ZNF385B: variants seen among roughly 807,000 people sequenced by gnomAD.
ZNF385B encodes the protein zinc finger protein 385B.
Under a neutral mutation model 39.2 loss-of-function variants are expected in ZNF385B, and 23 were observed. The observed-to-expected ratio is 0.59, with a 90% CI of 0.42 to 0.83. ZNF385B has a LOEUF of 0.83. ZNF385B is among the 40% of genes least tolerant of loss of function. The probability of loss-of-function intolerance (pLI) is 0.00; values close to 1 mark genes in which losing one functional copy is unlikely to be tolerated. For missense variants in ZNF385B, 552 were observed against 598.9 expected (o/e 0.92, Z 0.82); for synonymous variants, 205 against 222.6 (o/e 0.92, Z 0.70).
At chr2:179,760,223 C>CACGT (rs1553525686) in intron 3 of ZNF385B, among the ~76,000 whole-genome samples, 1 of 144,476 alleles carries the variant, frequency 6.9e-6, no homozygotes, top group Non-Finnish European at 1.5e-5. Context: ...TTCCTGTGTG[C>CACGT]GTGTGTGTGT....
At chr2:179,636,948 G>C (rs1241094009) in intron 3 of ZNF385B, among the ~76,000 whole-genome samples, 1 of 152,036 alleles carries the variant, frequency 6.6e-6, no homozygotes, top group Non-Finnish European at 1.5e-5. Context: ...AAAGCTATTT[G>C]TGTATTAAAA....
chr2:179,837,590 A>AC (rs1338099892), intron 1 of ZNF385B, among the ~76,000 whole-genome samples: 3 of 152,250 alleles, frequency 2.0e-5, no homozygotes, highest in African/African-American at 7.2e-5. Context: ...AAGCCTGAAG[A>AC]GACAGCTGAC....
chr2:179,490,813 T>C (rs1229168774), intron 5 of ZNF385B, among the ~76,000 whole-genome samples: 1 of 152,112 alleles, frequency 6.6e-6, no homozygotes, highest in Non-Finnish European at 1.5e-5. Context: ...ATGTTACTAG[T>C]TTGGGGTTGA....
intron 3 of ZNF385B, among the ~76,000 whole-genome samples, chr2:179,584,531 G>T (rs1311074840): frequency 6.6e-6 from 1 of 152,176 alleles, no homozygotes; most frequent in African/African-American, 2.4e-5. Flanking sequence ...TGTGTATCAG[G>T]AAGGCCTCTG....
chr2:179,514,833 C>T (rs1385904383), intron 5 of ZNF385B, among the ~76,000 whole-genome samples: 1 of 148,572 alleles, frequency 6.7e-6, no homozygotes, highest in Non-Finnish European at 1.5e-5. Context: ...GGCTGGAGTG[C>T]AATGGTACAA....
chr2:179,743,104 T>C (rs1358162068), intron 3 of ZNF385B, among the ~76,000 whole-genome samples: 2 of 152,050 alleles, frequency 1.3e-5, no homozygotes, highest in South Asian at 2.1e-4. Context: ...TTTAAAAAGA[T>C]TTTCATTTAT....
At chr2:179,540,673 C>G (rs1327170549) in intron 4 of ZNF385B, among the ~76,000 whole-genome samples, 1 of 152,108 alleles carries the variant, frequency 6.6e-6, no homozygotes. Flanking sequence ...TGTTGAGCAC[C>G]TGTGTCAGAC....
chr2:179,488,306 G>A (rs756537791), intron 5 of ZNF385B, among the ~76,000 whole-genome samples: 5 of 152,070 alleles, frequency 3.3e-5, no homozygotes, highest in South Asian at 2.1e-4. Context: ...CACCACGCCC[G>A]GCTAATTTTT....
intron 6 of ZNF385B, among the ~76,000 whole-genome samples, chr2:179,477,079 G>C (rs2053516744): frequency 6.6e-6 from 1 of 152,162 alleles, no homozygotes; most frequent in Admixed American, 6.5e-5. Context: ...CAGCTAAGAA[G>C]ACCTTGCTGG....
intron 3 of ZNF385B, among the ~76,000 whole-genome samples, chr2:179,676,992 G>A (rs13432838): frequency 0.2 from 29,712 of 152,074 alleles, 3,184 homozygotes; most frequent in African/African-American, 0.28. Context: ...ACACACACAC[G>A]AAACACCACA....
intron 1 of ZNF385B, among the ~76,000 whole-genome samples, chr2:179,834,835 A>G (rs2106604293): frequency 6.6e-6 from 1 of 152,358 alleles, no homozygotes; most frequent in African/African-American, 2.4e-5. Flanking sequence ...GCCTCCTGGT[A>G]TTATATACTA....
intron 5 of ZNF385B, among the ~76,000 whole-genome samples, chr2:179,487,534 T>G (rs1472574654): frequency 6.6e-6 from 1 of 152,284 alleles, no homozygotes; most frequent in Admixed American, 6.5e-5. Flanking sequence ...CTTCATTATC[T>G]AGGAATCTTC....
chr2:179,751,891 C>A (rs1702699139), intron 3 of ZNF385B, among the ~76,000 whole-genome samples: 2 of 152,032 alleles, frequency 1.3e-5, no homozygotes, highest in African/African-American at 4.8e-5. Context: ...TACTCAAGCT[C>A]ATTTTAAAAT....
intron 3 of ZNF385B, among the ~76,000 whole-genome samples, chr2:179,596,754 T>G (rs1688033026): frequency 6.6e-6 from 1 of 152,240 alleles, no homozygotes; most frequent in South Asian, 2.1e-4. Flanking sequence ...TTTTGTCATC[T>G]GAATAGACTG....
At chr2:179,752,548 C>A (rs1297044355) in intron 3 of ZNF385B, among the ~76,000 whole-genome samples, 1 of 152,228 alleles carries the variant, frequency 6.6e-6, no homozygotes, top group African/African-American at 2.4e-5. Context: ...TACAGTCCCA[C>A]CAACAGTGTA....
intron 8 of ZNF385B, 43 bp downstream of exon 8, chr2:179,445,507 G>A: frequency 1.3e-6 from 2 of 1,560,992 alleles, no homozygotes; most frequent in Non-Finnish European, 1.7e-6. Flanking sequence ...ACAGTCAAGT[G>A]GTGACCTAAA....
intron 5 of ZNF385B, among the ~76,000 whole-genome samples, chr2:179,497,364 A>G (rs972012998): frequency 2.0e-5 from 3 of 152,158 alleles, no homozygotes; most frequent in Non-Finnish European, 4.4e-5. Flanking sequence ...GACATAGTAC[A>G]ATAAGATATA....
At chr2:179,460,344 T>C (rs1289139305) in intron 6 of ZNF385B, among the ~76,000 whole-genome samples, 1 of 152,158 alleles carries the variant, frequency 6.6e-6, no homozygotes, top group Non-Finnish European at 1.5e-5. Context: ...AAGCTAACCA[T>C]GGCAGGAATT....
chr2:179,580,608 T>C (rs933250709), intron 3 of ZNF385B, among the ~76,000 whole-genome samples: 7 of 152,152 alleles, frequency 4.6e-5, no homozygotes, highest in Non-Finnish European at 1.0e-4. Context: ...GCTAGTTCCC[T>C]TATAAGTAGA....
Sources: gnomAD v4.1 joint callset for allele counts (sites outside exome capture counted in the v4.1 genomes callset) on GRCh38, gnomAD v4.1.1 for gene constraint, MANE v1.5 for transcripts, NCBI Gene and HGNC (gene_info 2026-07-23, HGNC 2026-07-21) for gene names.